Variants in RGS3 observed in about 807,000 individuals in gnomAD.
The protein encoded by RGS3 is regulator of G protein signaling 3, also known as regulator of G-protein signalling 3.
Under a neutral mutation model 132.6 loss-of-function variants are expected in RGS3, and 80 were observed. The ratio of observed to expected loss-of-function variants is 0.60; its 90% CI spans 0.50 to 0.73. The LOEUF (loss-of-function observed/expected upper bound fraction) is 0.73. Among genes scored for constraint, RGS3 ranks in the 30% least tolerant of loss-of-function variants. RGS3 has a pLI of 0.00. For missense variants in RGS3, 1,382 were observed against 1,530.8 expected, an observed-to-expected ratio of 0.90 and a Z score of 1.62; for synonymous variants, 598 against 620.6, an observed-to-expected ratio of 0.96 and a Z score of 0.54.
chr9:113,590,828 A>G (rs190763594), intron 20 of RGS3, among the ~76,000 whole-genome samples: 47 of 152,324 alleles, frequency 3.1e-4, no homozygotes, highest in Admixed American at 1.3e-4. Context: ...CTAGGGAGCC[A>G]TGGAAAGCTA....
chr9:113,475,929 C>CT (rs1321198052), intron 3 of RGS3, among the ~76,000 whole-genome samples: 3 of 151,692 alleles, frequency 2.0e-5, no homozygotes, highest in Non-Finnish European at 4.4e-5. Flanking sequence ...TATTTTTTTT[C>CT]TTTTTCTTTT....
At chr9:113,547,036 A>G (rs1262372186) in intron 19 of RGS3, among the ~76,000 whole-genome samples, 1 of 152,188 alleles carries the variant, frequency 6.6e-6, no homozygotes, top group Non-Finnish European at 1.5e-5. Context: ...AATAAAGATG[A>G]GGATAAAGTA....
intron 19 of RGS3, among the ~76,000 whole-genome samples, chr9:113,567,434 C>T (rs903891322): frequency 6.6e-6 from 1 of 152,190 alleles, no homozygotes; most frequent in Non-Finnish European, 1.5e-5. Flanking sequence ...AGGGGCGTTG[C>T]ATTGTCCTGG....
chr9:113,467,715 CT>C (rs1829692567), intron 3 of RGS3, among the ~76,000 whole-genome samples: 2 of 151,882 alleles, frequency 1.3e-5, no homozygotes, highest in South Asian at 2.1e-4. Context: ...GAATCCCAAA[CT>C]TTTTTTGGGG....
intron 19 of RGS3, among the ~76,000 whole-genome samples, chr9:113,564,037 A>G (rs1156504326): frequency 1.3e-5 from 2 of 152,194 alleles, no homozygotes; most frequent in African/African-American, 4.8e-5. Flanking sequence ...CAAGTTGGGC[A>G]TTCCCAACTT....
chr9:113,586,881 C>G (rs1381263644), intron 20 of RGS3, among the ~76,000 whole-genome samples: 1 of 152,208 alleles, frequency 6.6e-6, no homozygotes, highest in African/African-American at 2.4e-5. Flanking sequence ...AATTAAATAG[C>G]TTAACACAGG....
chr9:113,520,949 T>C (rs369995212), intron 16 of RGS3, among the ~76,000 whole-genome samples: 1 of 152,232 alleles, frequency 6.6e-6, no homozygotes. Context: ...GTGATAGCTT[T>C]AGGTCAGCTA....
At chr9:113,487,275 C>T (rs1347276882) in intron 7 of RGS3, among the ~76,000 whole-genome samples, 6 of 151,232 alleles carry the variant, frequency 4.0e-5, no homozygotes, top group Non-Finnish European at 7.4e-5. Context: ...CCGCGCCCGG[C>T]TAATTTTTTG....
At chr9:113,526,923 C>G (rs1267796570) in intron 17 of RGS3, among the ~76,000 whole-genome samples, 1 of 152,238 alleles carries the variant, frequency 6.6e-6, no homozygotes, top group African/African-American at 2.4e-5. Flanking sequence ...CAGAATTTCT[C>G]TCCTGGGTCA....
intron 19 of RGS3, among the ~76,000 whole-genome samples, chr9:113,540,887 T>G (rs1473891585): frequency 6.6e-6 from 1 of 152,228 alleles, no homozygotes; most frequent in Non-Finnish European, 1.5e-5. Flanking sequence ...TTGTGAGGAT[T>G]GAACTCAGGA....
intron 7 of RGS3, among the ~76,000 whole-genome samples, chr9:113,489,908 A>C (rs1479610880): frequency 1.3e-5 from 2 of 152,228 alleles, no homozygotes; most frequent in Admixed American, 6.5e-5. Flanking sequence ...ACAGGAAAGC[A>C]TCTGTTTCAC....
At chr9:113,538,580 G>T (rs563290499) in intron 19 of RGS3, among the ~76,000 whole-genome samples, 1 of 152,214 alleles carries the variant, frequency 6.6e-6, no homozygotes, top group South Asian at 2.1e-4. Flanking sequence ...AGGCCAGAGG[G>T]TGACTGAAGG....
At chr9:113,512,939 G>A (rs1392941903) in intron 14 of RGS3, among the ~76,000 whole-genome samples, 3 of 152,228 alleles carry the variant, frequency 2.0e-5, no homozygotes, top group Non-Finnish European at 4.4e-5. Flanking sequence ...GCTCATGCCT[G>A]TAATCCCAGC....
chr9:113,486,820 C>T (rs970886499), intron 7 of RGS3, among the ~76,000 whole-genome samples: 2 of 152,166 alleles, frequency 1.3e-5, no homozygotes, highest in African/African-American at 2.4e-5. Flanking sequence ...ACATACAAAA[C>T]GAAGGATTTC....
chr9:113,517,169 TGAACAGGATA>T, intron 15 of RGS3: 1 of 467,594 alleles, frequency 2.1e-6, no homozygotes, highest in South Asian at 1.6e-5. Context: ...CTGTGAGGCA[TGAACAGGATA>T]GATGGGGGAT....
chr9:113,457,166 T>G (rs1829382359), upstream of RGS3, among the ~76,000 whole-genome samples: 3 of 152,218 alleles, frequency 2.0e-5, no homozygotes. Context: ...CTAAGTTCCC[T>G]GCCACATTTC....
intron 19 of RGS3, among the ~76,000 whole-genome samples, chr9:113,544,103 T>C (rs900709218): frequency 3.3e-5 from 5 of 152,178 alleles, no homozygotes; most frequent in Non-Finnish European, 7.4e-5. Context: ...CCCTCCCTGC[T>C]ACATAAATCA....
intron 19 of RGS3, among the ~76,000 whole-genome samples, chr9:113,578,722 T>G (rs12346087): frequency 0.12 from 18,051 of 152,126 alleles, 1,285 homozygotes; most frequent in African/African-American, 0.19. Flanking sequence ...AGGCTAGGGA[T>G]CCAGAGCATG....
intron 16 of RGS3, chr9:113,522,123 T>C (rs1460808553): frequency 1.3e-5 from 2 of 152,360 alleles, no homozygotes; most frequent in Non-Finnish European, 2.9e-5. Context: ...GGTTTACCTA[T>C]AATGTCTAAG....
Sources: allele counts gnomAD v4.1 joint callset (sites outside exome capture counted in the v4.1 genomes callset), GRCh38; gene constraint gnomAD v4.1.1; transcripts MANE v1.5; gene names NCBI Gene and HGNC (gene_info 2026-07-23, HGNC 2026-07-21).